The following NBPF9 variants were observed in gnomAD, a reference collection of about 807,000 sequenced individuals.
NBPF9 encodes the protein NBPF family member NBPF9.
Under a neutral mutation model 97.8 loss-of-function variants are expected in NBPF9, and 91 were observed. The observed-to-expected ratio is 0.93, with a 90% CI of 0.79 to 1.11. The LOEUF (loss-of-function observed/expected upper bound fraction) is 1.11, where lower values mean the gene tolerates loss of function less well. Among genes scored for constraint, NBPF9 ranks in the 50% least tolerant of loss-of-function variants. NBPF9 has a pLI of 0.00. For synonymous variants in NBPF9, 334 were observed against 359.5 expected (o/e 0.93, Z 0.80); for missense variants, 992 against 939.5 (o/e 1.06, Z -0.73).
At chr1:149,084,618 C>G (rs1404744975) in intron 5 of NBPF9, among the ~76,000 whole-genome samples, 1 of 151,046 alleles carries the variant, frequency 6.6e-6, no homozygotes, top group African/African-American at 2.4e-5. Context: ...ACACCTCCAT[C>G]TACAGCCTCG....
At chr1:149,075,539 T>A in intron 12 of NBPF9, 116 bp downstream of exon 12, 1 of 1,314,594 alleles carries the variant, frequency 7.6e-7, no homozygotes, top group South Asian at 1.2e-5. Flanking sequence ...CCATTTCTGT[T>A]TTCCTAGAAG....
chr1:149,079,763 A>G (rs587648835), intron 8 of NBPF9, among the ~76,000 whole-genome samples: 1 of 151,818 alleles, frequency 6.6e-6, no homozygotes, highest in South Asian at 2.1e-4. Context: ...TTTTGAGTAT[A>G]CTGAATGCTG....
chr1:149,070,391 G>A (rs1400948123), intron 16 of NBPF9, among the ~76,000 whole-genome samples: 1 of 150,484 alleles, frequency 6.6e-6, no homozygotes, highest in Non-Finnish European at 1.5e-5. Flanking sequence ...TGCATTGACA[G>A]GGTGGAGAAC....
At position 149,073,003 on chromosome 1, in the gene NBPF9, G is replaced by T. The variant is rs1403624822; in HGVS notation, c.1092-71C>A. 12 of 1,545,608 alleles carry T rather than the reference G, an allele frequency of 7.8e-6. 3 individuals are homozygous for T. The highest frequency in any genetic ancestry group is 2.7e-5 in the African/African-American group (2 of 73,946). On this transcript the variant is annotated intron_variant, in intron 13 of 29. Coordinates refer to ENST00000584027, the Ensembl canonical transcript of NBPF9. ...TGATCCGCTCAAATATTGCAACAGA[G>T]ATTTCTGAAACAGTGTCCTCAAGGA...
chr1:149,074,110 T>G (rs1553653696), intron 12 of NBPF9, among the ~76,000 whole-genome samples: 1 of 151,284 alleles, frequency 6.6e-6, no homozygotes, highest in African/African-American at 2.4e-5. Flanking sequence ...ACAAGATGAT[T>G]CAACCACAAC....
At chr1:149,097,098 A>AAGGG (rs1331259160) in intron 4 of NBPF9, among the ~76,000 whole-genome samples, 13 of 139,526 alleles carry the variant, frequency 9.3e-5, no homozygotes, top group African/African-American at 3.0e-4. Context: ...GGAAGGAAGG[A>AAGGG]AGGGAGGGAG....
intron 9 of NBPF9, among the ~76,000 whole-genome samples, chr1:149,078,795 A>G (rs2080132814): frequency 7.0e-6 from 1 of 142,622 alleles, no homozygotes; most frequent in Non-Finnish European, 1.5e-5. Flanking sequence ...ACCACCTTCC[A>G]TCAAGGGAGG....
At chr1:149,061,977 G>T in intron 22 of NBPF9, 116 bp downstream of exon 22, 2 of 623,408 alleles carry the variant, frequency 3.2e-6, no homozygotes, top group Non-Finnish European at 5.8e-6. Flanking sequence ...TGCGCCCATA[G>T]GTCCTGCCTG....
intron 5 of NBPF9, among the ~76,000 whole-genome samples, chr1:149,086,623 A>G (rs2081023165): frequency 6.6e-6 from 1 of 152,264 alleles, no homozygotes; most frequent in Non-Finnish European, 1.5e-5. Context: ...TTATAGATTA[A>G]AAGAAGTTAA....
At chr1:149,088,848 TCC>T (rs1201439166) in intron 5 of NBPF9, among the ~76,000 whole-genome samples, 3 of 151,560 alleles carry the variant, frequency 2.0e-5, no homozygotes, top group African/African-American at 7.3e-5. Flanking sequence ...GGATCCAATC[TCC>T]CCTCAGTCAA....
At chr1:149,079,808 T>A (rs2080250166) in intron 8 of NBPF9, among the ~76,000 whole-genome samples, 2 of 152,170 alleles carry the variant, frequency 1.3e-5, no homozygotes. Flanking sequence ...GAATTTTGTG[T>A]TATGTAAATT....
intron 9 of NBPF9, among the ~76,000 whole-genome samples, 185 bp from the exon 10 acceptor site, chr1:149,078,140 T>C (rs1176906286): frequency 6.7e-6 from 1 of 150,330 alleles, no homozygotes; most frequent in East Asian, 1.9e-4. Flanking sequence ...GCATTTCTGA[T>C]GTGGAGGGCC....
intron 17 of NBPF9, among the ~76,000 whole-genome samples, chr1:149,068,391 G>A (rs1404904696): frequency 3.3e-5 from 5 of 150,954 alleles, no homozygotes; most frequent in Non-Finnish European, 4.4e-5. Flanking sequence ...CATCTCACAT[G>A]CAGAGACACA....
intron 20 of NBPF9, among the ~76,000 whole-genome samples, chr1:149,063,413 C>T (rs2078771002): frequency 7.1e-6 from 1 of 140,576 alleles, no homozygotes; most frequent in Non-Finnish European, 1.5e-5. Context: ...ATTAGGGCGC[C>T]ACAGGCATGG....
intron 12 of NBPF9, among the ~76,000 whole-genome samples, chr1:149,074,579 T>A (rs1258936045): frequency 2.2e-4 from 32 of 148,692 alleles, no homozygotes; most frequent in Admixed American, 3.4e-4. Flanking sequence ...GGTATTATTG[T>A]AGTACCCTCT....
chr1:149,089,331 T>C (rs1257996247), intron 5 of NBPF9, among the ~76,000 whole-genome samples: 4 of 151,654 alleles, frequency 2.6e-5, no homozygotes, highest in East Asian at 1.9e-4. Flanking sequence ...CCACTGAGAA[T>C]TGGGGCTGTG....
At chr1:149,075,451 C>A (rs2079777642) in intron 12 of NBPF9, among the ~76,000 whole-genome samples, 1 of 152,132 alleles carries the variant, frequency 6.6e-6, no homozygotes, top group South Asian at 2.1e-4. Context: ...AGTCCCACCC[C>A]CACCTGATTG....
At chr1:149,079,469 A>G (rs1215876007) in intron 8 of NBPF9, among the ~76,000 whole-genome samples, 15 of 151,716 alleles carry the variant, frequency 9.9e-5, no homozygotes, top group African/African-American at 2.9e-4. Flanking sequence ...TGTAAACAAA[A>G]GTAGGTGTCT....
rs2080568178 is a variant in NBPF9 at position 149,082,515 on chromosome 1, AAC to A, written c.-194-87_-194-86del. 1.4e-5 allele frequency: 8 copies of A among 590,310 alleles called. No individual in the cohort carries two copies. The South Asian group carries it at 1.6e-4, about 12-fold the overall frequency. 36.6% of individuals were successfully genotyped at this position (590,310 alleles called of 1,614,324 possible). A position where few individuals can be genotyped will look rare whatever the true frequency, so the allele number is the denominator to read the frequency against. On this transcript the variant is annotated intron_variant, in intron 5 of 29. Coordinates refer to ENST00000584027, the Ensembl canonical transcript of NBPF9. ...ATTCCAATTGCCCAGGCTTTGCTGA[AAC>A]ACAGGCACCCTAGTCTCACCTGAGG...
Sources: gnomAD v4.1 joint callset for allele counts (sites outside exome capture counted in the v4.1 genomes callset) on GRCh38, gnomAD v4.1.1 for gene constraint, MANE v1.5 for transcripts, NCBI Gene and HGNC (gene_info 2026-07-23, HGNC 2026-07-21) for gene names.